Variants in TRHDE observed in about 807,000 individuals in gnomAD.
TRHDE encodes the protein thyrotropin releasing hormone degrading enzyme.
A neutral mutation model predicts 125.7 loss-of-function variants in TRHDE; 72 were observed. The observed-to-expected ratio is 0.57, with a 90% confidence interval of 0.47 to 0.70. TRHDE has a LOEUF of 0.70. Among genes scored for constraint, TRHDE ranks in the 30% least tolerant of loss-of-function variants. TRHDE has a pLI of 0.00. For missense variants in TRHDE, 1,110 were observed against 1,327.1 expected, an observed-to-expected ratio of 0.84 and a Z score of 2.54; for synonymous variants, 509 against 509.1, an observed-to-expected ratio of 1.00 and a Z score of 0.00.
chr12:72,397,176 T>A lies in TRHDE; in HGVS notation c.1315+19055T>A, dbSNP rs191742621. On this transcript the variant is annotated intron_variant, in intron 3 of 18. Coordinates refer to ENST00000261180, the MANE Select transcript of TRHDE (RefSeq NM_013381.3). ...ATCAGGCTGCTCTTGTAAAACAGAATCAGAGTCATCCTTGATTCATATTTC... is the reference window on the plus strand; with the variant it reads ...ATCAGGCTGCTCTTGTAAAACAGAAACAGAGTCATCCTTGATTCATATTTC... Among the ~76,000 whole-genome samples, 3 of 152,346 alleles carry A rather than the reference T, an allele frequency of 2.0e-5. No individual in the cohort carries two copies. The East Asian group carries it at 5.8e-4, about 29-fold the overall frequency.
intron 2 of TRHDE, among the ~76,000 whole-genome samples, chr12:72,172,969 T>A (rs564044514): frequency 9.8e-5 from 15 of 152,326 alleles, no homozygotes; most frequent in African/African-American, 3.6e-4. Context: ...AGATTAGTAG[T>A]CAACTTCAGA....
chr12:72,503,165 G>C (rs1222584535), intron 6 of TRHDE, among the ~76,000 whole-genome samples: 1 of 151,896 alleles, frequency 6.6e-6, no homozygotes, highest in Non-Finnish European at 1.5e-5. Context: ...TTTATTACAT[G>C]GATACTCTGT....
chr12:72,149,009 C>G (rs964173291), intron 2 of TRHDE, among the ~76,000 whole-genome samples: 6 of 151,980 alleles, frequency 3.9e-5, no homozygotes, highest in African/African-American at 1.2e-4. Flanking sequence ...TTTTTTAATG[C>G]TTCTGTGATT....
chr12:72,090,761 A>G (rs1035434841), intron 1 of TRHDE, among the ~76,000 whole-genome samples: 2 of 152,168 alleles, frequency 1.3e-5, no homozygotes, highest in African/African-American at 2.4e-5. Flanking sequence ...ATACAAAGAA[A>G]AATTAACTGT....
intron 6 of TRHDE, among the ~76,000 whole-genome samples, chr12:72,532,315 T>C (rs1448192405): frequency 6.6e-6 from 1 of 151,706 alleles, no homozygotes; most frequent in African/African-American, 2.4e-5. Context: ...CTCTTTGCTA[T>C]ACTCTTTTAT....
rs398020105 is a variant in TRHDE at position 72,479,656 on chromosome 12, T to TA, written c.1584+6478dup. ...TAAAGGATTTTTTTTTGTTTTTTTTTAATTTTTATTTTATTATTATTATAC... is the reference window on the plus strand; with the variant it reads ...TAAAGGATTTTTTTTTGTTTTTTTTTAAATTTTTATTTTATTATTATTATAC... On this transcript the variant is annotated intron_variant, in intron 5 of 18. Coordinates refer to ENST00000261180, the MANE Select transcript of TRHDE (RefSeq NM_013381.3). Among the ~76,000 whole-genome samples the TA allele has an allele frequency of 4.9e-3, 739 of 151,330 alleles. 5 individuals are homozygous for TA. Among genetic ancestry groups the TA allele is most frequent in the Middle Eastern group, 0.017 (5 of 292 alleles).
At chr12:72,585,789 G>T (rs1022936044) in intron 12 of TRHDE, among the ~76,000 whole-genome samples, 7 of 152,070 alleles carry the variant, frequency 4.6e-5, no homozygotes, top group Non-Finnish European at 8.8e-5. Flanking sequence ...CAATGTAAAA[G>T]CCTCATTTTT....
At chr12:72,256,387 T>G (rs1004598791) in intron 2 of TRHDE, 6 of 152,326 alleles carry the variant, frequency 3.9e-5, no homozygotes, top group Admixed American at 1.3e-4. Context: ...ATCAACATAC[T>G]TCACTTCCTG....
intron 2 of TRHDE, among the ~76,000 whole-genome samples, chr12:72,324,548 A>G (rs1869250319): frequency 6.6e-6 from 1 of 152,146 alleles, no homozygotes. Flanking sequence ...AAAGTGGTCC[A>G]CAGGAGTCAT....
rs1249752448 is a variant in TRHDE at position 72,670,586 on chromosome 12, A to G, written c.*7391A>G. 11 of 151,714 alleles carry G rather than the reference A, an allele frequency of 7.3e-5. No homozygotes were observed. 9.4% of individuals were successfully genotyped at this position (151,714 alleles called of 1,614,324 possible). On this transcript the variant is annotated 3_prime_UTR_variant, in exon 19 of 19. Transcript: ENST00000261180. Reference sequence around the variant, plus strand: ...TTTTAAAATTTTGAGTATATATATTATAGAGGTCCATGCAAATGGAAAAAA... The same window carrying G: ...TTTTAAAATTTTGAGTATATATATTGTAGAGGTCCATGCAAATGGAAAAAA...
At chr12:72,423,338 G>A (rs1443413305) in intron 3 of TRHDE, among the ~76,000 whole-genome samples, 1 of 152,064 alleles carries the variant, frequency 6.6e-6, no homozygotes, top group Non-Finnish European at 1.5e-5. Context: ...CTAAGTTCAG[G>A]AGCATCTCTA....
intron 2 of TRHDE, among the ~76,000 whole-genome samples, chr12:72,335,061 A>G (rs1869769387): frequency 6.6e-6 from 1 of 152,216 alleles, no homozygotes; most frequent in Non-Finnish European, 1.5e-5. Context: ...CTCTGGCCAC[A>G]GCCTAATCCA....
intron 2 of TRHDE, among the ~76,000 whole-genome samples, chr12:72,298,013 C>A (rs1416544887): frequency 6.6e-6 from 1 of 152,132 alleles, no homozygotes; most frequent in Admixed American, 6.5e-5. Flanking sequence ...TCTCCATCGC[C>A]TTGTGACTGG....
At chr12:72,606,777 A>C (rs569529341) in intron 12 of TRHDE, among the ~76,000 whole-genome samples, 1 of 152,286 alleles carries the variant, frequency 6.6e-6, no homozygotes, top group East Asian at 1.9e-4. Context: ...GTCATTTTGC[A>C]TCAACAATTG....
At chr12:72,620,338 C>CAAAAAAAAAAAAAAAAA (rs3080963) in intron 13 of TRHDE, among the ~76,000 whole-genome samples, 1 of 67,506 alleles carries the variant, frequency 1.5e-5, no homozygotes, top group Non-Finnish European at 3.5e-5. Flanking sequence ...CCCATCTCTA[C>CAAAAAAAAAAAAAAAAA]AAAAAAAAAA....
At chr12:72,277,821 AAATT>A (rs1259930730) in intron 1 of TRHDE, among the ~76,000 whole-genome samples, 3 of 152,144 alleles carry the variant, frequency 2.0e-5, no homozygotes, top group African/African-American at 7.2e-5. Context: ...CAGTTTTTTC[AAATT>A]AATTGACATA....
chr12:72,639,813 C>CG (rs1320661753), intron 15 of TRHDE, among the ~76,000 whole-genome samples: 5 of 152,060 alleles, frequency 3.3e-5, no homozygotes, highest in African/African-American at 1.2e-4. Context: ...TTAGGCTGCT[C>CG]GGGGGGTCAG....
At chr12:72,500,385 A>G (rs1878096582) in intron 6 of TRHDE, among the ~76,000 whole-genome samples, 1 of 151,892 alleles carries the variant, frequency 6.6e-6, no homozygotes, top group Non-Finnish European at 1.5e-5. Flanking sequence ...ATTTGTTGGA[A>G]TTTCTATGTA....
chr12:72,455,625 C>T (rs894842673), intron 3 of TRHDE, among the ~76,000 whole-genome samples: 1 of 151,926 alleles, frequency 6.6e-6, no homozygotes, highest in Non-Finnish European at 1.5e-5. Context: ...AATATGAAAA[C>T]TTACCTAGTA....
Sources: allele counts gnomAD v4.1 joint callset (sites outside exome capture counted in the v4.1 genomes callset), GRCh38; gene constraint gnomAD v4.1.1; transcripts MANE v1.5; gene names NCBI Gene and HGNC (gene_info 2026-07-23, HGNC 2026-07-21).